CCNB3: variants seen among roughly 807,000 people sequenced by gnomAD.
CCNB3 encodes the protein G2/mitotic-specific cyclin-B3.
A neutral mutation model predicts 68.0 loss-of-function variants in CCNB3; 12 were observed. That is an observed-to-expected ratio of 0.18 (90% CI 0.11 to 0.29). The LOEUF is 0.29. CCNB3 is among the 10% of genes least tolerant of loss of function. The probability of loss-of-function intolerance (pLI) is 1.00; values close to 1 mark genes in which losing one functional copy is unlikely to be tolerated. For missense variants in CCNB3, 904 were observed against 993.1 expected (o/e 0.91, Z 1.21); for synonymous variants, 354 against 388.9 (o/e 0.91, Z 1.06).
chrX:50,228,287 A>G (rs1935961235), intron 1 of CCNB3, among the ~76,000 whole-genome samples: 1 of 93,999 alleles, frequency 1.1e-5, no homozygotes, highest in Admixed American at 1.4e-4. Flanking sequence ...TGTAGAATAT[A>G]TATAAATACA....
chrX:50,319,656 G>T (rs1557216296), intron 8 of CCNB3, among the ~76,000 whole-genome samples: 2 of 111,346 alleles, frequency 1.8e-5, no homozygotes, highest in African/African-American at 6.5e-5. Flanking sequence ...TGATATAGAT[G>T]CAGTAAGAGT....
chrX:50,288,731 G>A, intron 3 of CCNB3, 49 bp from the exon 4 acceptor site: 1 of 979,103 alleles, frequency 1.0e-6, no homozygotes, highest in South Asian at 2.1e-5. Context: ...AGTCCCTGAA[G>A]AGACTGTTCA....
At chrX:50,314,940 T>C (rs947877650) in intron 8 of CCNB3, among the ~76,000 whole-genome samples, 3 of 56,435 alleles carry the variant, frequency 5.3e-5, no homozygotes, top group Admixed American at 2.5e-4. Context: ...GGAGTAGGGA[T>C]AGGAAATAAA....
At chrX:50,218,231 C>G (rs1372926802) in intron 1 of CCNB3, among the ~76,000 whole-genome samples, 2 of 111,453 alleles carry the variant, frequency 1.8e-5, no homozygotes, top group Non-Finnish European at 3.8e-5. Flanking sequence ...TGTTCATTTT[C>G]TTGCCAATTT....
intron 1 of CCNB3, among the ~76,000 whole-genome samples, chrX:50,280,216 AATAT>A (rs1936107634): frequency 1.1e-5 from 1 of 87,722 alleles, no homozygotes; most frequent in Admixed American, 1.4e-4. Flanking sequence ...ATATTTTTAG[AATAT>A]ATATAAATAT....
chrX:50,302,322 A>G (rs1448171239), intron 5 of CCNB3, among the ~76,000 whole-genome samples: 1 of 112,220 alleles, frequency 8.9e-6, no homozygotes, highest in Non-Finnish European at 1.9e-5. Context: ...AATGCCATAA[A>G]CATTCTTCTC....
chrX:50,337,218 A>G (rs1922897893), intron 8 of CCNB3, among the ~76,000 whole-genome samples: 1 of 110,044 alleles, frequency 9.1e-6, no homozygotes, highest in Non-Finnish European at 1.9e-5. Context: ...GAGTATGGAT[A>G]TCTGGTGGAA....
At chrX:50,212,229 G>A (rs1935495390) in intron 1 of CCNB3, among the ~76,000 whole-genome samples, 1 of 111,928 alleles carries the variant, frequency 8.9e-6, no homozygotes, top group African/African-American at 3.2e-5. Context: ...ACCCTGCTAA[G>A]GATAGCACAG....
At chrX:50,306,007 G>A (rs1318228835) in intron 5 of CCNB3, among the ~76,000 whole-genome samples, 14 of 102,123 alleles carry the variant, frequency 1.4e-4, no homozygotes, top group Non-Finnish European at 2.6e-4. Flanking sequence ...GGCTGGTCTC[G>A]AACTCCTGAC....
chrX:50,329,070 G>A (rs1239810460), intron 8 of CCNB3, among the ~76,000 whole-genome samples: 1 of 112,544 alleles, frequency 8.9e-6, no homozygotes, highest in Non-Finnish European at 1.9e-5. Flanking sequence ...ACTTTATGGG[G>A]TTCAGCCCCG....
At chrX:50,221,757 G>A (rs1935677614) in intron 1 of CCNB3, among the ~76,000 whole-genome samples, 1 of 111,575 alleles carries the variant, frequency 9.0e-6, no homozygotes, top group Non-Finnish European at 1.9e-5. Flanking sequence ...TTGATTTGGG[G>A]TAGAGAGTTC....
At chrX:50,214,508 A>ATATATATATATATATT (rs1211047337) in intron 1 of CCNB3, among the ~76,000 whole-genome samples, 9 of 68,746 alleles carry the variant, frequency 1.3e-4, no homozygotes, top group Admixed American at 3.7e-4. Flanking sequence ...ATATATATAT[A>ATATATATATATATATT]TTTTAGCTGT....
chrX:50,351,149 C>G, intron 11 of CCNB3, 92 bp from the exon 12 acceptor site: 1 of 1,011,422 alleles, frequency 9.9e-7, no homozygotes, highest in South Asian at 2.1e-5. Flanking sequence ...TCTGTTTAAA[C>G]CATGTGTGGG....
chrX:50,325,485 G>A (rs1922246565), intron 8 of CCNB3, among the ~76,000 whole-genome samples: 1 of 112,247 alleles, frequency 8.9e-6, no homozygotes, highest in Admixed American at 9.4e-5. Flanking sequence ...AGTTCTGATT[G>A]GTAGATGGTA....
rs1453828086 is a variant in CCNB3, at chrX:50,214,738, A to T, written c.-113+9788A>T. On this transcript the variant is annotated intron_variant, in intron 1 of 12. Coordinates refer to ENST00000376042, the MANE Select transcript of CCNB3 (RefSeq NM_033031.3). ...TTTAAAAATGAATATATCTATTTTA[A>T]ATAGAGACAGAATGTCCCTACGTTG... Among the ~76,000 whole-genome samples, 5 of 103,805 alleles carry T rather than the reference A, an allele frequency of 4.8e-5. No individual in the cohort carries two copies. The East Asian group carries it at 1.5e-3, about 31-fold the overall frequency. The allele number at this position is 103,805 out of a possible 115,157, so 90.1% of individuals were successfully genotyped here. A position where few individuals can be genotyped will look rare whatever the true frequency, so the allele number is the denominator to read the frequency against.
intron 1 of CCNB3, among the ~76,000 whole-genome samples, chrX:50,227,041 T>A (rs1434930040): frequency 2.5e-5 from 2 of 78,885 alleles, no homozygotes; most frequent in African/African-American, 1.0e-4. Context: ...ATATATAGAA[T>A]ATATACAAAT....
chrX:50,346,113 G>A (rs1206719173), intron 9 of CCNB3, among the ~76,000 whole-genome samples: 1 of 112,198 alleles, frequency 8.9e-6, no homozygotes, highest in Non-Finnish European at 1.9e-5. Flanking sequence ...CGCACACTCT[G>A]CCCACCACAG....
intron 5 of CCNB3, among the ~76,000 whole-genome samples, chrX:50,306,146 A>G (rs1440224991): frequency 1.8e-5 from 2 of 110,174 alleles, no homozygotes; most frequent in Non-Finnish European, 3.8e-5. Context: ...CTATTTAGAT[A>G]TTTAGTTTTT....
rs1213481502 is a variant in CCNB3, at chrX:50,308,659, C to T, written c.490C>T (p.Pro164Ser). 2 of 1,208,602 alleles carry T rather than the reference C, an allele frequency of 1.7e-6. No individual in the cohort carries two copies. Among genetic ancestry groups the T allele is most frequent in the African/African-American group, 3.5e-5 (2 of 56,978 alleles). ...AAAGCCATTAGTTTTAAAGGAGGAACCCACTATTGAGGATGAAACCCTTAT... is the reference window on the plus strand; with the variant it reads ...AAAGCCATTAGTTTTAAAGGAGGAATCCACTATTGAGGATGAAACCCTTAT... ...FRKPLVLKEE[P>S]TIEDETLINK... The change falls in exon 6 of 13, where the codon CCC becomes TCC. Residue 164 changes from proline (P) to serine (S), a missense_variant. Pro to Ser is a moderately conservative substitution (Grantham distance 74, BLOSUM62 -1). Coordinates refer to ENST00000376042, the MANE Select transcript of CCNB3 (RefSeq NM_033031.3).
Sources: allele counts gnomAD v4.1 joint callset (sites outside exome capture counted in the v4.1 genomes callset), GRCh38; gene constraint gnomAD v4.1.1; transcripts MANE v1.5; gene names NCBI Gene and HGNC (gene_info 2026-07-23, HGNC 2026-07-21).